Variants in NECTIN3 observed in about 807,000 individuals in gnomAD.
NECTIN3 encodes the protein nectin-3.
NECTIN3 carries 8 observed loss-of-function variants against 49.4 expected under a neutral mutation model. The ratio of observed to expected loss-of-function variants is 0.16; its 90% CI spans 0.10 to 0.29. NECTIN3 has a LOEUF of 0.29. NECTIN3 is among the 10% of genes least tolerant of loss of function. The pLI is 1.00. For missense variants in NECTIN3, 581 were observed against 654.6 expected (o/e 0.89, Z 1.23); for synonymous variants, 277 against 241.1 (o/e 1.15, Z -1.38).
chr3:111,179,940 A>G (rs1012819374), intron 7 of NECTIN3, among the ~76,000 whole-genome samples: 2 of 152,100 alleles, frequency 1.3e-5, no homozygotes, highest in Non-Finnish European at 2.9e-5. Flanking sequence ...AACTTGTATA[A>G]TATGTGATGG....
chr3:111,097,546 A>G (rs1447951351), intron 1 of NECTIN3, among the ~76,000 whole-genome samples: 3 of 152,182 alleles, frequency 2.0e-5, no homozygotes, highest in Non-Finnish European at 4.4e-5. Flanking sequence ...CTCATCTTCA[A>G]TTCCCACATG....
intron 2 of NECTIN3, among the ~76,000 whole-genome samples, chr3:111,112,775 T>C (rs2033527200): frequency 6.6e-6 from 1 of 152,192 alleles, no homozygotes; most frequent in Admixed American, 6.5e-5. Context: ...TGACACCTCA[T>C]GTTTTACTAT....
intron 7 of NECTIN3, among the ~76,000 whole-genome samples, chr3:111,179,405 A>T (rs544232548): frequency 2.6e-5 from 4 of 152,344 alleles, no homozygotes; most frequent in Non-Finnish European, 5.9e-5. Context: ...AGTGGGAGTC[A>T]GTTTCTATGC....
chr3:111,187,337 A>G (rs1451723748), intron 7 of NECTIN3, among the ~76,000 whole-genome samples: 1 of 152,160 alleles, frequency 6.6e-6, no homozygotes, highest in African/African-American at 2.4e-5. Flanking sequence ...CAGGCGTTTG[A>G]GACTGCAGTG....
At chr3:111,087,982 G>A (rs1427300368) in intron 1 of NECTIN3, among the ~76,000 whole-genome samples, 1 of 152,102 alleles carries the variant, frequency 6.6e-6, no homozygotes, top group Non-Finnish European at 1.5e-5. Context: ...ATAGGTGTGA[G>A]CCACTGTGCC....
At chr3:111,088,614 A>G (rs897559631) in intron 1 of NECTIN3, among the ~76,000 whole-genome samples, 1 of 152,202 alleles carries the variant, frequency 6.6e-6, no homozygotes, top group Admixed American at 6.5e-5. Context: ...TGCTTCTGCT[A>G]TACAACTCTA....
intron 1 of NECTIN3, among the ~76,000 whole-genome samples, chr3:111,107,282 G>C (rs1357703490): frequency 1.3e-5 from 2 of 152,118 alleles, no homozygotes; most frequent in Non-Finnish European, 2.9e-5. Context: ...AGACTCCAAA[G>C]AGTTGTGTTT....
In NECTIN3 at chr3:111,132,997, A is replaced by C. The variant is rs562506538; in HGVS notation, c.1070-638A>C. ...AAATTACTAAATAATAGTGTTTACT[A>C]TATATCTCCTTCCAAAAATTTTGAG... On this transcript the variant is annotated intron_variant, in intron 5 of 5. Transcript: ENST00000485303. 5.9e-5 allele frequency among the ~76,000 whole-genome samples: 9 copies of C among 151,936 alleles called. No homozygotes were observed. The East Asian group carries it at 1.7e-3, about 29-fold the overall frequency.
rs192117123 is a variant in NECTIN3 at position 111,118,422 on chromosome 3, A to G, written c.503-234A>G. 1.2e-3 allele frequency among the ~76,000 whole-genome samples: 187 copies of G among 151,654 alleles called. 1 individual carries two copies. The highest frequency in any genetic ancestry group is 4.2e-3 in the African/African-American group (176 of 41,438). On this transcript the variant is annotated intron_variant, in intron 2 of 5. Transcript: ENST00000485303. ...GTTCCCTAAAGGAATGTATATCTTT[A>G]TCAGGTAGAGCCATCTTTGTAGTGG...
In NECTIN3 at chr3:111,134,473, C is replaced by T. The variant is rs1213804917; in HGVS notation, c.*258C>T. 4 of 1,112,576 alleles carry T rather than the reference C, an allele frequency of 3.6e-6. No individual in the cohort carries two copies. The highest frequency in any genetic ancestry group is 3.3e-6 in the Non-Finnish European group (3 of 910,228). 68.9% of individuals were successfully genotyped at this position (1,112,576 alleles called of 1,614,324 possible). A position where few individuals can be genotyped will look rare whatever the true frequency, so the allele number is the denominator to read the frequency against. The stretch of plus-strand genomic sequence containing the variant: ...TGCAGAGTACTTTATTGGTGTGAGG[C>T]ACACAGGTAAGAAGAAATGTCAACA... On this transcript the variant is annotated 3_prime_UTR_variant, in exon 6 of 6. Coordinates refer to ENST00000485303, the MANE Select transcript of NECTIN3 (RefSeq NM_015480.3).
At chr3:111,131,929 A>G (rs994267586) in intron 5 of NECTIN3, among the ~76,000 whole-genome samples, 7 of 151,860 alleles carry the variant, frequency 4.6e-5, no homozygotes, top group Admixed American at 2.0e-4. Context: ...CCAGTTTATT[A>G]TATTTTTTTC....
intron 2 of NECTIN3, among the ~76,000 whole-genome samples, chr3:111,118,250 A>ATATATATATATAT (rs2033778594): frequency 1.0e-5 from 1 of 96,770 alleles, no homozygotes; most frequent in African/African-American, 4.8e-5. Flanking sequence ...AAATGAAGCT[A>ATATATATATATAT]TATATATATA....
intron 1 of NECTIN3, among the ~76,000 whole-genome samples, chr3:111,086,716 C>G (rs1359827260): frequency 2.6e-5 from 4 of 152,048 alleles, no homozygotes; most frequent in Non-Finnish European, 5.9e-5. Context: ...GTTCCTTTTT[C>G]CTTTCCACAT....
intron 7 of NECTIN3, among the ~76,000 whole-genome samples, chr3:111,158,394 G>A (rs1263995671): frequency 6.6e-6 from 1 of 151,986 alleles, no homozygotes; most frequent in Non-Finnish European, 1.5e-5. Context: ...TGTTTGGTGG[G>A]CAGTAATTCT....
At chr3:111,144,861 A>G (rs1230510263) in intron 5 of NECTIN3, 12 of 1,498,394 alleles carry the variant, frequency 8.0e-6, no homozygotes, top group Non-Finnish European at 1.1e-5. Flanking sequence ...AATTATTTTT[A>G]AGATTATTTG....
chr3:111,173,612 C>T (rs904865016), intron 7 of NECTIN3, among the ~76,000 whole-genome samples: 8 of 152,122 alleles, frequency 5.3e-5, no homozygotes, highest in Non-Finnish European at 1.0e-4. Context: ...TTCCTTTCTC[C>T]TTCTATTGTT....
In NECTIN3 at chr3:111,133,758, A is replaced by G; in HGVS notation, c.1193A>G (p.Lys398Arg). 1 of 1,614,038 alleles carries G rather than the reference A, an allele frequency of 6.2e-7. No individual in the cohort carries two copies. The highest frequency in any genetic ancestry group is 8.5e-7 in the Non-Finnish European group (1 of 1,179,912). Residue 398 changes from lysine (K) to arginine (R), a missense_variant, in exon 6 of 6, where the codon AAG (lysine) becomes AGG (arginine). Around this residue, in one of 3 missense-constraint regions of NECTIN3, gnomAD observed 238 missense variants for 244.9 expected, o/e 0.97. Coordinates refer to ENST00000485303, the MANE Select transcript of NECTIN3 (RefSeq NM_015480.3). Reference sequence around the variant, plus strand: ...CCATTGTCAACTTTGGCAACAATTAAGGATGACACAATTGCCACGATCATT... The same window carrying G: ...CCATTGTCAACTTTGGCAACAATTAGGGATGACACAATTGCCACGATCATT... ...PFPLSTLATIKDDTIATIIAS... is the reference protein window; with the variant it reads ...PFPLSTLATIRDDTIATIIAS...
upstream of NECTIN3, among the ~76,000 whole-genome samples, chr3:111,188,430 C>T (rs2035758674): frequency 6.6e-6 from 1 of 152,096 alleles, no homozygotes; most frequent in Admixed American, 6.5e-5. Context: ...AGAAATTTAC[C>T]CATTCACTTA....
chr3:111,128,296 C>A (rs1447655409), intron 5 of NECTIN3, among the ~76,000 whole-genome samples: 2 of 144,676 alleles, frequency 1.4e-5, no homozygotes, highest in Non-Finnish European at 1.5e-5. Flanking sequence ...CAGATCGTGC[C>A]ATGGATGACA....
Sources: gnomAD v4.1 joint callset for allele counts (sites outside exome capture counted in the v4.1 genomes callset) on GRCh38, gnomAD v4.1.1 for gene constraint, gnomAD v4.1.1 regional missense constraint, MANE v1.5 for transcripts, NCBI Gene and HGNC (gene_info 2026-07-23, HGNC 2026-07-21) for gene names.